Variants in NUDCD1 observed in about 807,000 individuals in gnomAD.
The protein encoded by NUDCD1 is NudC domain containing 1.
In NUDCD1, 60 loss-of-function variants were observed where a neutral mutation model predicts 67.8. That is an observed-to-expected ratio of 0.88 (90% CI 0.72 to 1.10). The LOEUF (loss-of-function observed/expected upper bound fraction) is 1.10. NUDCD1 is among the 50% of genes least tolerant of loss of function. NUDCD1 has a pLI of 0.00. For synonymous variants in NUDCD1, 244 were observed against 230.8 expected, an observed-to-expected ratio of 1.06 and a Z score of -0.52; for missense variants, 643 against 695.0, an observed-to-expected ratio of 0.93 and a Z score of 0.84.
chr8:109,240,934 ATAC>A lies in NUDCD1; in HGVS notation c.*2072_*2074del, dbSNP rs1813353531. The A allele has an allele frequency of 6.6e-6, 1 of 152,324 alleles. No homozygotes were observed. The highest frequency in any genetic ancestry group is 6.5e-5 in the Admixed American group (1 of 15,290). 9.4% of individuals were successfully genotyped at this position (152,324 alleles called of 1,614,324 possible). A position where few individuals can be genotyped will look rare whatever the true frequency, so the allele number is the denominator to read the frequency against. On this transcript the variant is annotated 3_prime_UTR_variant, in exon 10 of 10. Transcript: ENST00000239690. Reference sequence around the variant, plus strand: ...ACTCTTAATATGCAAAACACATAAAATACTACTTTATTACTATCATAAATATTT... The same window carrying A: ...ACTCTTAATATGCAAAACACATAAAATACTTTATTACTATCATAAATATTT...
At chr8:109,249,117 C>T (rs966423724) in intron 8 of NUDCD1, among the ~76,000 whole-genome samples, 1 of 151,988 alleles carries the variant, frequency 6.6e-6, no homozygotes, top group African/African-American at 2.4e-5. Flanking sequence ...CATTTTATTC[C>T]CCTTATAAAT....
chr8:109,253,099 C>A (rs1266510507), intron 8 of NUDCD1, among the ~76,000 whole-genome samples: 1 of 152,174 alleles, frequency 6.6e-6, no homozygotes, highest in Non-Finnish European at 1.5e-5. Context: ...AGTTAACCGT[C>A]TTTAATCTAT....
At chr8:109,303,757 CA>C (rs1815042947) in intron 2 of NUDCD1, among the ~76,000 whole-genome samples, 1 of 152,116 alleles carries the variant, frequency 6.6e-6, no homozygotes, top group South Asian at 2.1e-4. Context: ...CTTACCATCC[CA>C]TTAAAACCTA....
chr8:109,309,458 C>A (rs778895253), intron 2 of NUDCD1, among the ~76,000 whole-genome samples: 4 of 152,120 alleles, frequency 2.6e-5, no homozygotes, highest in Non-Finnish European at 4.4e-5. Context: ...AACGGACATA[C>A]CTCAATGTAA....
At chr8:109,333,079 C>G (rs943679272) in intron 1 of NUDCD1, among the ~76,000 whole-genome samples, 1 of 152,194 alleles carries the variant, frequency 6.6e-6, no homozygotes. Flanking sequence ...TAACACAAAA[C>G]AGGTACTCGG....
At chr8:109,333,534 G>A (rs541708482) in intron 1 of NUDCD1, among the ~76,000 whole-genome samples, 1 of 152,310 alleles carries the variant, frequency 6.6e-6, no homozygotes, top group East Asian at 1.9e-4. Context: ...GTTCACAAGC[G>A]ATGCTCCAGG....
intron 2 of NUDCD1, among the ~76,000 whole-genome samples, chr8:109,317,717 C>T (rs1432324205): frequency 1.3e-5 from 2 of 152,182 alleles, no homozygotes; most frequent in African/African-American, 4.8e-5. Context: ...AAAAAACTAG[C>T]CAGTGTTTGT....
intron 5 of NUDCD1, among the ~76,000 whole-genome samples, chr8:109,284,488 T>G (rs1213944079): frequency 6.6e-6 from 1 of 152,172 alleles, no homozygotes; most frequent in Admixed American, 6.6e-5. Context: ...CCTACTCATC[T>G]GCACACAGAA....
intron 5 of NUDCD1, among the ~76,000 whole-genome samples, chr8:109,281,766 T>C (rs891221047): frequency 6.6e-6 from 1 of 152,176 alleles, no homozygotes; most frequent in Admixed American, 6.5e-5. Context: ...CTTGCCCAGA[T>C]TGCAGCCTGA....
intron 5 of NUDCD1, among the ~76,000 whole-genome samples, chr8:109,287,455 G>A (rs762520226): frequency 6.6e-6 from 1 of 152,100 alleles, no homozygotes; most frequent in Non-Finnish European, 1.5e-5. Flanking sequence ...ATACTACACA[G>A]CCAGGTAAAA....
At chr8:109,251,931 C>A (rs548698706) in intron 8 of NUDCD1, among the ~76,000 whole-genome samples, 2 of 152,074 alleles carry the variant, frequency 1.3e-5, no homozygotes, top group African/African-American at 4.8e-5. Flanking sequence ...CTGTATTCCA[C>A]GTGTGCCATG....
At chr8:109,324,698 T>C (rs1301244402) in intron 1 of NUDCD1, among the ~76,000 whole-genome samples, 5 of 152,130 alleles carry the variant, frequency 3.3e-5, no homozygotes, top group Admixed American at 6.5e-5. Flanking sequence ...AAATGTAGTA[T>C]ATACACACAC....
In NUDCD1 at chr8:109,333,930, AAG is replaced by A. The variant is rs769155389; in HGVS notation, c.79_80del (p.Leu27Ter). 6.2e-7 allele frequency: 1 copy of A among 1,614,162 alleles called. No individual in the cohort carries two copies. Among genetic ancestry groups the A allele is most frequent in the South Asian group, 1.1e-5 (1 of 91,078 alleles). ...CCAGCTGGTAACAAGGCAGCGGCTCAAGAGAGAGCTTGTAACCCTCGAAGCGG... is the reference window on the plus strand; with the variant it reads ...CCAGCTGGTAACAAGGCAGCGGCTCAAGAGAGCTTGTAACCCTCGAAGCGG... The part of the protein sequence containing the change: ...DPRFEGYKLS[L>X]EPLPCYQLEL... On this transcript the variant is annotated frameshift_variant, in exon 1 of 10. Coordinates refer to ENST00000239690, the MANE Select transcript of NUDCD1 (RefSeq NM_032869.4). LOFTEE classifies it high-confidence loss of function.
chr8:109,243,821 T>C (rs1813432655), intron 9 of NUDCD1, among the ~76,000 whole-genome samples: 1 of 152,166 alleles, frequency 6.6e-6, no homozygotes, highest in South Asian at 2.1e-4. Context: ...ATCCCTAAAA[T>C]GTTAGTGATA....
intron 8 of NUDCD1, among the ~76,000 whole-genome samples, chr8:109,265,941 T>C (rs2129931427): frequency 6.6e-6 from 1 of 152,230 alleles, no homozygotes; most frequent in South Asian, 2.1e-4. Flanking sequence ...ACCCCTGTCT[T>C]AAGCAACAGA....
chr8:109,284,362 G>C (rs192800038), intron 5 of NUDCD1, among the ~76,000 whole-genome samples: 1 of 152,018 alleles, frequency 6.6e-6, no homozygotes, highest in African/African-American at 2.4e-5. Flanking sequence ...ACCACTCACA[G>C]CATCACACAG....
chr8:109,294,714 G>A (rs749674309), intron 3 of NUDCD1, among the ~76,000 whole-genome samples: 3 of 152,050 alleles, frequency 2.0e-5, no homozygotes, highest in Non-Finnish European at 2.9e-5. Context: ...CTGTGATACC[G>A]TTGATACATG....
At chr8:109,292,655 C>T (rs986130569) in intron 4 of NUDCD1, among the ~76,000 whole-genome samples, 5 of 152,062 alleles carry the variant, frequency 3.3e-5, no homozygotes, top group Admixed American at 1.3e-4. Flanking sequence ...CAGTACTCAA[C>T]TACAGTTAAA....
At chr8:109,266,512 G>A (rs940495318) in intron 8 of NUDCD1, among the ~76,000 whole-genome samples, 1 of 151,226 alleles carries the variant, frequency 6.6e-6, no homozygotes, top group Non-Finnish European at 1.5e-5. Context: ...CCAAAGTGCT[G>A]GGATTACAGG....
Sources: gnomAD v4.1 joint callset for allele counts (sites outside exome capture counted in the v4.1 genomes callset) on GRCh38, gnomAD v4.1.1 for gene constraint, MANE v1.5 for transcripts, NCBI Gene and HGNC (gene_info 2026-07-23, HGNC 2026-07-21) for gene names.